Variants in ACVR1C observed in about 807,000 individuals in gnomAD.
The protein encoded by ACVR1C is activin A receptor type 1C, also known as activin receptor type-1C.
Under a neutral mutation model 57.9 loss-of-function variants are expected in ACVR1C, and 23 were observed. The observed-to-expected ratio is 0.40, with a 90% CI of 0.29 to 0.56. The LOEUF (loss-of-function observed/expected upper bound fraction) is 0.56. Ranked by LOEUF, ACVR1C falls within the 20% of genes least tolerant of loss-of-function variation. The pLI is 0.50. For synonymous variants in ACVR1C, 214 were observed against 215.3 expected (o/e 0.99, Z 0.05); for missense variants, 480 against 607.9 (o/e 0.79, Z 2.21).
At chr2:157,581,796 A>G (rs1381712726) in intron 2 of ACVR1C, among the ~76,000 whole-genome samples, 2 of 152,234 alleles carry the variant, frequency 1.3e-5, no homozygotes, top group African/African-American at 2.4e-5. Flanking sequence ...TGTGTAGTAC[A>G]TGAACATGAT....
At chr2:157,546,013 C>T (rs2105211595) in intron 4 of ACVR1C, among the ~76,000 whole-genome samples, 1 of 152,186 alleles carries the variant, frequency 6.6e-6, no homozygotes, top group South Asian at 2.1e-4. Context: ...AACTCCTGAC[C>T]TCAGGTGATC....
chr2:157,605,255 CT>C (rs1682366548), intron 1 of ACVR1C, among the ~76,000 whole-genome samples: 1 of 151,512 alleles, frequency 6.6e-6, no homozygotes, highest in African/African-American at 2.4e-5. Flanking sequence ...TGTGCCTCTC[CT>C]TTTGTCAATA....
chr2:157,545,503 C>T (rs1687730364), intron 4 of ACVR1C, among the ~76,000 whole-genome samples: 1 of 152,146 alleles, frequency 6.6e-6, no homozygotes, highest in Non-Finnish European at 1.5e-5. Context: ...ATAAAAATAA[C>T]CCTTACTCAC....
chr2:157,562,876 T>C (rs959292894), intron 2 of ACVR1C, among the ~76,000 whole-genome samples: 1 of 151,586 alleles, frequency 6.6e-6, no homozygotes, highest in Non-Finnish European at 1.5e-5. Context: ...AACCACATGA[T>C]TATCTCAATA....
At chr2:157,581,738 C>A (rs1302418709) in intron 2 of ACVR1C, among the ~76,000 whole-genome samples, 1 of 152,126 alleles carries the variant, frequency 6.6e-6, no homozygotes, top group African/African-American at 2.4e-5. Flanking sequence ...AAGGGAAGTC[C>A]GAGATTTTGT....
rs1259517767 is a variant in ACVR1C, at chr2:157,556,186, C to T, written c.451G>A (p.Val151Met). ...TTGCACTCAGAGAGTGGTTCCTCCA[C>T]ATTTGGTCTCTTTTTCTTCCTGTAG... ...CSYRKKKRPNVEEPLSECNLV... is the reference protein window; with the variant it reads ...CSYRKKKRPNMEEPLSECNLV... Residue 151 changes from valine to methionine, a missense_variant, in exon 3 of 9, where the codon GTG becomes ATG. Transcript: ENST00000243349. 6 of 1,614,082 alleles carry T rather than the reference C, an allele frequency of 3.7e-6. No homozygotes were observed. Among genetic ancestry groups the T allele is most frequent in the Non-Finnish European group, 5.1e-6 (6 of 1,179,972 alleles).
Position 157,544,455 on chromosome 2 carries a change from A to C in ACVR1C, c.933T>G (p.Val311=). 1 of 1,611,246 alleles carries C rather than the reference A, an allele frequency of 6.2e-7. No homozygotes were observed. The highest frequency in any genetic ancestry group is 1.3e-5 in the African/African-American group (1 of 74,910). Residue 311 remains valine (V), a synonymous_variant, in exon 5 of 9, where the codon GTT becomes GTG. Transcript: ENST00000243349. ...AAAGGAAATACATACCTTGTGTACC[A>C]ACAATCTCCATATGAAGGTGTGCCA... is the stretch of plus-strand genomic sequence containing the variant. The part of the protein sequence containing the change: ...SGLAHLHMEI[V]GTQGKPAIAH...
intron 4 of ACVR1C, among the ~76,000 whole-genome samples, chr2:157,548,355 A>G (rs1687821226): frequency 7.1e-6 from 1 of 141,152 alleles, no homozygotes; most frequent in Non-Finnish European, 1.5e-5. Flanking sequence ...CATACTGCCC[A>G]AGGTAATTTA....
intron 1 of ACVR1C, among the ~76,000 whole-genome samples, chr2:157,616,098 T>G (rs940340309): frequency 6.6e-5 from 10 of 152,278 alleles, no homozygotes; most frequent in African/African-American, 1.7e-4. Flanking sequence ...CTTCAACTAT[T>G]TCTTTTGTCC....
At chr2:157,539,200 T>A (rs1041529434) in intron 7 of ACVR1C, among the ~76,000 whole-genome samples, 5 of 152,064 alleles carry the variant, frequency 3.3e-5, no homozygotes, top group Admixed American at 3.3e-4. Context: ...CAAAACAGCT[T>A]TCTCTCTTTG....
chr2:157,544,685 G>A (rs572762722), intron 4 of ACVR1C, 73 bp from the exon 5 acceptor site: 2 of 1,314,164 alleles, frequency 1.5e-6, no homozygotes, highest in Non-Finnish European at 2.1e-6. Flanking sequence ...AAAAATATCA[G>A]TGTTTAATCT....
At chr2:157,549,711 T>C (rs928405871) in intron 4 of ACVR1C, among the ~76,000 whole-genome samples, 5 of 150,748 alleles carry the variant, frequency 3.3e-5, no homozygotes, top group South Asian at 2.1e-4. Context: ...ACGGGCTGGG[T>C]GCGGTGGCTC....
chr2:157,600,662 A>G (rs1682258822), intron 1 of ACVR1C, among the ~76,000 whole-genome samples: 3 of 152,216 alleles, frequency 2.0e-5, no homozygotes, highest in Admixed American at 2.0e-4. Context: ...ATAATTCTCA[A>G]TGTAGAAATA....
At chr2:157,617,305 G>A (rs1682676388) in intron 1 of ACVR1C, among the ~76,000 whole-genome samples, 1 of 151,912 alleles carries the variant, frequency 6.6e-6, no homozygotes, top group Admixed American at 6.6e-5. Context: ...GAAACTAATG[G>A]AACTAAAGGG....
intron 4 of ACVR1C, among the ~76,000 whole-genome samples, chr2:157,548,568 T>C (rs1687825987): frequency 6.6e-6 from 1 of 151,210 alleles, no homozygotes. Context: ...ATGGTACTGG[T>C]ACCAAAACAG....
chr2:157,543,726 G>C (rs1178215458), intron 5 of ACVR1C, among the ~76,000 whole-genome samples: 2 of 151,934 alleles, frequency 1.3e-5, no homozygotes, highest in Non-Finnish European at 2.9e-5. Context: ...AATAGAAATG[G>C]CAGTAGGTAC....
chr2:157,563,260 C>A (rs566178418), intron 2 of ACVR1C, among the ~76,000 whole-genome samples: 1 of 152,110 alleles, frequency 6.6e-6, no homozygotes, highest in Non-Finnish European at 1.5e-5. Flanking sequence ...AATAAACAAC[C>A]TCAGCAAAGT....
At chr2:157,586,984 G>T (rs1017370463) in intron 2 of ACVR1C, among the ~76,000 whole-genome samples, 4 of 152,048 alleles carry the variant, frequency 2.6e-5, no homozygotes, top group Non-Finnish European at 5.9e-5. Context: ...TTACGTTATT[G>T]TCAATGTTTT....
At chr2:157,552,658 A>C (rs2105219412) in intron 3 of ACVR1C, among the ~76,000 whole-genome samples, 1 of 152,348 alleles carries the variant, frequency 6.6e-6, no homozygotes. Flanking sequence ...TTATGCTTTC[A>C]AACTGCAAAT....
Sources: allele counts gnomAD v4.1 joint callset (sites outside exome capture counted in the v4.1 genomes callset), GRCh38; gene constraint gnomAD v4.1.1; transcripts MANE v1.5; gene names NCBI Gene and HGNC (gene_info 2026-07-23, HGNC 2026-07-21).